Variants in WDR48 observed in about 807,000 individuals in gnomAD.
WDR48 encodes WD repeat domain 48.
Under a neutral mutation model 94.0 loss-of-function variants are expected in WDR48, and 22 were observed. The observed-to-expected ratio is 0.23, with a 90% CI of 0.17 to 0.33. The LOEUF is 0.33. Among genes scored for constraint, WDR48 ranks in the 10% least tolerant of loss-of-function variants. The pLI, the probability that WDR48 is intolerant of heterozygous loss-of-function variation, is 1.00. For missense variants in WDR48, 541 were observed against 813.8 expected (o/e 0.66, Z 4.08); for synonymous variants, 278 against 280.5 (o/e 0.99, Z 0.09).
In WDR48 at chr3:39,062,577, A is replaced by G. The variant is rs547395969; in HGVS notation, c.49-473A>G. On this transcript the variant is annotated intron_variant, in intron 1 of 18. Transcript: ENST00000302313. ...AGACAGGTCGGAGGAAGAGCTTCCA[A>G]ACAGAGAGGACCAGCATGTGTGATG... is the stretch of plus-strand genomic sequence containing the variant. Among the ~76,000 whole-genome samples, 8 of 152,326 alleles carry G rather than the reference A, an allele frequency of 5.3e-5. No homozygotes were observed. In the South Asian group the frequency reaches 1.7e-3, roughly 32 times the overall value.
intron 11 of WDR48, 44 bp downstream of exon 11, chr3:39,079,852 AC>A: frequency 8.5e-7 from 1 of 1,171,028 alleles, no homozygotes; most frequent in Non-Finnish European, 1.2e-6. Context: ...TAGATTGTAT[AC>A]CCCCTTTATT....
chr3:39,059,679 T>A (rs764452357), intron 1 of WDR48, among the ~76,000 whole-genome samples: 8 of 152,158 alleles, frequency 5.3e-5, no homozygotes, highest in Non-Finnish European at 1.0e-4. Flanking sequence ...TAAAACAACA[T>A]CCTTGTAGCT....
intron 11 of WDR48, among the ~76,000 whole-genome samples, chr3:39,082,333 G>A (rs1488539413): frequency 6.6e-6 from 1 of 151,588 alleles, no homozygotes; most frequent in African/African-American, 2.4e-5. Flanking sequence ...CCCGGCTGGA[G>A]TGCAGTGGCG....
intron 2 of WDR48, among the ~76,000 whole-genome samples, chr3:39,063,643 C>CTAGG (rs2033414835): frequency 6.6e-6 from 1 of 152,164 alleles, no homozygotes; most frequent in African/African-American, 2.4e-5. Context: ...CACGGCCTAA[C>CTAGG]TAGGTAATAC....
intron 5 of WDR48, among the ~76,000 whole-genome samples, chr3:39,068,012 A>G (rs1281084509): frequency 2.0e-5 from 3 of 152,076 alleles, no homozygotes; most frequent in Admixed American, 6.6e-5. Context: ...GCAGGTTGTC[A>G]CAAGGTCAGG....
chr3:39,092,876 T>TACACACACACACACACACACACAC (rs3033301), intron 17 of WDR48, among the ~76,000 whole-genome samples: 1 of 145,964 alleles, frequency 6.9e-6, no homozygotes, highest in African/African-American at 2.6e-5. Flanking sequence ...CATCTCTGTC[T>TACACACACACACACACACACACAC]ACACACACAC....
chr3:39,094,216 T>A, intron 18 of WDR48, 150 bp downstream of exon 18: 13 of 1,450,236 alleles, frequency 9.0e-6, no homozygotes, highest in Non-Finnish European at 1.2e-5. Context: ...AAGCTCCTCT[T>A]TACTGCTGGG....
chr3:39,066,150 C>T (rs2033592352), intron 3 of WDR48, among the ~76,000 whole-genome samples: 1 of 152,086 alleles, frequency 6.6e-6, no homozygotes, highest in South Asian at 2.1e-4. Flanking sequence ...GGTAGTTTTG[C>T]CTTCATTTGA....
chr3:39,088,612 G>A (rs2034933143), intron 15 of WDR48, among the ~76,000 whole-genome samples: 1 of 152,114 alleles, frequency 6.6e-6, no homozygotes, highest in Non-Finnish European at 1.5e-5. Context: ...ACTTTTCTTA[G>A]GCTGATCCAG....
At position 39,078,897 on chromosome 3, in the gene WDR48, G is replaced by T. The variant is rs1341212890; in HGVS notation, c.1075+658G>T. On this transcript the variant is annotated intron_variant, in intron 10 of 18. Coordinates refer to ENST00000302313, the MANE Select transcript of WDR48 (RefSeq NM_020839.4). ...TACAAAAAATTAGCTGGGCGTAGTGGCGGGCACCTGTAGTCCCAGCTACTT... is the reference window on the plus strand; with the variant it reads ...TACAAAAAATTAGCTGGGCGTAGTGTCGGGCACCTGTAGTCCCAGCTACTT... 2.0e-5 allele frequency among the ~76,000 whole-genome samples: 3 copies of T among 151,544 alleles called. No individual in the cohort carries two copies. The East Asian group carries it at 5.9e-4, about 30-fold the overall frequency.
At chr3:39,087,450 C>G (rs2034868954) in intron 14 of WDR48, among the ~76,000 whole-genome samples, 1 of 152,204 alleles carries the variant, frequency 6.6e-6, no homozygotes, top group African/African-American at 2.4e-5. Flanking sequence ...GATCCTGTCC[C>G]TACAAGAAAT....
chr3:39,067,690 G>A (rs531710755), intron 5 of WDR48, among the ~76,000 whole-genome samples: 4 of 152,148 alleles, frequency 2.6e-5, no homozygotes, highest in Non-Finnish European at 4.4e-5. Flanking sequence ...ATTTTATAAC[G>A]ACTCTGTGGA....
chr3:39,056,235 C>A (rs572317008), intron 1 of WDR48, among the ~76,000 whole-genome samples: 1 of 151,996 alleles, frequency 6.6e-6, no homozygotes. Context: ...TTTGAAAAAA[C>A]CTCCAGTTAT....
chr3:39,085,438 A>G, intron 13 of WDR48, 77 bp from the exon 14 acceptor site: 5 of 1,161,914 alleles, frequency 4.3e-6, no homozygotes, highest in Non-Finnish European at 6.4e-6. Context: ...CAAACTTACA[A>G]TTTTTATTCT....
rs1057211594 is a variant in WDR48 at position 39,085,871 on chromosome 3, T to C, written c.1474+261T>C. ...AAAATACTCTATATTCAGATGACTT[T>C]TGTCTTAAAATGAGGCACCTTAACA... On this transcript the variant is annotated intron_variant, in intron 14 of 18. Transcript: ENST00000302313. Among the ~76,000 whole-genome samples the C allele has an allele frequency of 1.2e-4, 18 of 152,218 alleles. No individual in the cohort carries two copies. In the East Asian group the frequency reaches 3.5e-3, roughly 29 times the overall value.
chr3:39,082,278 C>CT (rs147696551), intron 11 of WDR48, among the ~76,000 whole-genome samples: 7 of 148,240 alleles, frequency 4.7e-5, no homozygotes, highest in Admixed American at 3.4e-4. Context: ...AAGAGTGATA[C>CT]TTTTTTTTTT....
intron 11 of WDR48, among the ~76,000 whole-genome samples, chr3:39,082,749 T>C (rs2034604085): frequency 2.0e-5 from 3 of 152,178 alleles, no homozygotes; most frequent in Admixed American, 2.0e-4. Context: ...AATTTGAGTT[T>C]CTGTGGGATA....
Position 39,083,061 on chromosome 3 carries a change from C to A in WDR48, c.1174-1094C>A, listed in dbSNP as rs889160213. Among the ~76,000 whole-genome samples the A allele has an allele frequency of 5.9e-5, 9 of 152,096 alleles. No individual in the cohort carries two copies. The East Asian group carries it at 1.7e-3, about 29-fold the overall frequency. On this transcript the variant is annotated intron_variant, in intron 11 of 18. Transcript: ENST00000302313. Reference sequence around the variant, plus strand: ...ATTGAGTGTTTCAAGAAGAAGCTTGCGGTTAGTGGCATTAACCTGCTGTGA... The same window carrying A: ...ATTGAGTGTTTCAAGAAGAAGCTTGAGGTTAGTGGCATTAACCTGCTGTGA...
At chr3:39,068,441 G>C (rs1426152981) in intron 5 of WDR48, among the ~76,000 whole-genome samples, 1 of 151,890 alleles carries the variant, frequency 6.6e-6, no homozygotes, top group Non-Finnish European at 1.5e-5. Flanking sequence ...AGTGTTTTTG[G>C]TTTGATTTGT....
Sources: allele counts gnomAD v4.1 joint callset (sites outside exome capture counted in the v4.1 genomes callset), GRCh38; gene constraint gnomAD v4.1.1; transcripts MANE v1.5; gene names NCBI Gene and HGNC (gene_info 2026-07-23, HGNC 2026-07-21).